CNTN3: variants seen among roughly 807,000 people sequenced by gnomAD.
CNTN3 encodes the protein contactin 3.
A neutral mutation model predicts 119.1 loss-of-function variants in CNTN3; 60 were observed. The ratio of observed to expected loss-of-function variants is 0.50; its 90% CI spans 0.41 to 0.62. The LOEUF (loss-of-function observed/expected upper bound fraction) is 0.62. CNTN3 is among the 20% of genes least tolerant of loss of function. The pLI is 0.00. For missense variants in CNTN3, 1,101 were observed against 1,242.4 expected, an observed-to-expected ratio of 0.89 and a Z score of 1.71; for synonymous variants, 450 against 438.7, an observed-to-expected ratio of 1.03 and a Z score of -0.32.
chr3:74,557,920 C>T (rs191584197), intron 1 of CNTN3, among the ~76,000 whole-genome samples: 4 of 152,194 alleles, frequency 2.6e-5, no homozygotes, highest in Admixed American at 2.6e-4. Context: ...TGTTTCCAAA[C>T]TCTATTAAAC....
chr3:74,605,667 G>A (rs1157639946), intron 1 of CNTN3, among the ~76,000 whole-genome samples: 1 of 152,024 alleles, frequency 6.6e-6, no homozygotes. Context: ...GCCAGCTATT[G>A]GCTACTAGCT....
intron 4 of CNTN3, among the ~76,000 whole-genome samples, chr3:74,477,736 G>T (rs1702685388): frequency 6.6e-6 from 1 of 151,966 alleles, no homozygotes; most frequent in South Asian, 2.1e-4. Flanking sequence ...TGGGGTGGGG[G>T]AATACCCCAT....
Position 74,352,828 on chromosome 3 carries a change from A to G in CNTN3, c.1364+9062T>C, listed in dbSNP as rs557646932. Among the ~76,000 whole-genome samples, 73 of 152,306 alleles carry G rather than the reference A, an allele frequency of 4.8e-4. 1 individual carries two copies. The highest frequency in any genetic ancestry group is 8.7e-4 in the Non-Finnish European group (59 of 68,034). On this transcript the variant is annotated intron_variant, in intron 11 of 22. Coordinates refer to ENST00000263665, the MANE Select transcript of CNTN3 (RefSeq NM_020872.3). ...AATTCAAGTAAGATACAAAAGCAAA[A>G]GACTCACTGAGATCTCAGCTACGTA...
chr3:74,272,215 T>G (rs1701791429), intron 20 of CNTN3, among the ~76,000 whole-genome samples: 1 of 152,176 alleles, frequency 6.6e-6, no homozygotes, highest in Admixed American at 6.5e-5. Context: ...CATAATGTTT[T>G]AAGAAAGTTT....
intron 5 of CNTN3, among the ~76,000 whole-genome samples, chr3:74,411,759 A>G (rs945560399): frequency 3.9e-5 from 6 of 152,118 alleles, no homozygotes; most frequent in Admixed American, 3.3e-4. Context: ...ATTTCACGTT[A>G]TCAACCCATC....
At chr3:74,572,472 A>G (rs968951307) in intron 1 of CNTN3, among the ~76,000 whole-genome samples, 1 of 152,158 alleles carries the variant, frequency 6.6e-6, no homozygotes, top group Admixed American at 6.5e-5. Flanking sequence ...ATTAAAAGGG[A>G]AGAGTTCGAT....
At chr3:74,581,983 A>G (rs1331981130) in intron 1 of CNTN3, among the ~76,000 whole-genome samples, 2 of 152,232 alleles carry the variant, frequency 1.3e-5, no homozygotes, top group Non-Finnish European at 2.9e-5. Context: ...ATAAAACAAC[A>G]AATCACAAAA....
chr3:74,304,755 T>C (rs1384876187), intron 13 of CNTN3, among the ~76,000 whole-genome samples: 1 of 152,168 alleles, frequency 6.6e-6, no homozygotes, highest in African/African-American at 2.4e-5. Context: ...AGGGGAAATA[T>C]AATTTTTAAT....
chr3:74,299,835 C>G (rs775833815), intron 17 of CNTN3, 33 bp downstream of exon 17: 3 of 1,575,352 alleles, frequency 1.9e-6, no homozygotes, highest in Non-Finnish European at 2.6e-6. Context: ...AACAGCAAGA[C>G]CCTGATGGGG....
chr3:74,581,002 G>A (rs753113722), intron 1 of CNTN3, among the ~76,000 whole-genome samples: 59 of 152,304 alleles, frequency 3.9e-4, no homozygotes, highest in Admixed American at 2.0e-3. Context: ...GATTACAGGC[G>A]TGAGCCACCA....
chr3:74,275,265 G>A (rs146558680), intron 20 of CNTN3, among the ~76,000 whole-genome samples: 5 of 152,264 alleles, frequency 3.3e-5, no homozygotes, highest in Non-Finnish European at 7.4e-5. Context: ...CCTTGCAAGA[G>A]ACCTAGATAT....
At chr3:74,377,874 G>A (rs1704519053) in intron 5 of CNTN3, among the ~76,000 whole-genome samples, 1 of 152,154 alleles carries the variant, frequency 6.6e-6, no homozygotes, top group African/African-American at 2.4e-5. Context: ...TTTATCTGGA[G>A]ATACACTAAT....
chr3:74,267,234 G>A (rs199825527), intron 21 of CNTN3, 32 bp downstream of exon 21: 70 of 1,439,418 alleles, frequency 4.9e-5, no homozygotes, highest in Non-Finnish European at 6.3e-5. Flanking sequence ...CCAAAATTAC[G>A]AAAATGAAGC....
At chr3:74,495,230 A>C (rs1400231549) in intron 3 of CNTN3, among the ~76,000 whole-genome samples, 1 of 152,114 alleles carries the variant, frequency 6.6e-6, no homozygotes, top group Non-Finnish European at 1.5e-5. Context: ...CATTTCTTTA[A>C]GTGCCAAAAT....
intron 19 of CNTN3, among the ~76,000 whole-genome samples, chr3:74,287,240 T>C (rs988630890): frequency 3.3e-5 from 5 of 152,306 alleles, no homozygotes; most frequent in Admixed American, 1.3e-4. Context: ...TATATTTTTA[T>C]TTGGGTAAGT....
intron 4 of CNTN3, among the ~76,000 whole-genome samples, chr3:74,460,918 T>A (rs1702355758): frequency 6.6e-6 from 1 of 150,630 alleles, no homozygotes; most frequent in South Asian, 2.1e-4. Context: ...TCTGCCTTAT[T>A]TCCAGTCTTA....
chr3:74,467,120 A>G (rs1052125539), intron 4 of CNTN3, among the ~76,000 whole-genome samples: 1 of 152,130 alleles, frequency 6.6e-6, no homozygotes, highest in Non-Finnish European at 1.5e-5. Flanking sequence ...AATTTTTTTC[A>G]AAAAAGGTAT....
At chr3:74,456,371 A>G (rs1167961817) in intron 4 of CNTN3, among the ~76,000 whole-genome samples, 1 of 152,098 alleles carries the variant, frequency 6.6e-6, no homozygotes, top group Non-Finnish European at 1.5e-5. Context: ...GTAGCATGAA[A>G]TGTGAAATCT....
At chr3:74,311,457 A>T (rs1009300842) in intron 13 of CNTN3, among the ~76,000 whole-genome samples, 28 of 152,206 alleles carry the variant, frequency 1.8e-4, no homozygotes, top group African/African-American at 6.8e-4. Flanking sequence ...AATTTAGAAA[A>T]CCCAATCCAC....
Sources: gnomAD v4.1 joint callset for allele counts (sites outside exome capture counted in the v4.1 genomes callset) on GRCh38, gnomAD v4.1.1 for gene constraint, MANE v1.5 for transcripts, NCBI Gene and HGNC (gene_info 2026-07-23, HGNC 2026-07-21) for gene names.